Variants in FGF2 observed in about 807,000 individuals in gnomAD.
The protein encoded by FGF2 is basic fibroblast growth factor bFGF.
A neutral mutation model predicts 15.9 loss-of-function variants in FGF2; 13 were observed. That is an observed-to-expected ratio of 0.82 (90% confidence interval 0.53 to 1.30). The LOEUF (loss-of-function observed/expected upper bound fraction) is 1.30. FGF2 is among the 50% of genes most tolerant of loss of function. The pLI, the probability that FGF2 is intolerant of heterozygous loss-of-function variation, is 0.00. For synonymous variants in FGF2, 90 were observed against 78.4 expected, an observed-to-expected ratio of 1.15 and a Z score of -0.78; for missense variants, 163 against 196.9, an observed-to-expected ratio of 0.83 and a Z score of 1.03.
At chr4:122,885,514 A>G (rs1727038534) in intron 2 of FGF2, among the ~76,000 whole-genome samples, 1 of 152,192 alleles carries the variant, frequency 6.6e-6, no homozygotes, top group Non-Finnish European at 1.5e-5. Flanking sequence ...TGGTACTTGT[A>G]GCCCTAGAGT....
rs749974017 is a variant in FGF2, at chr4:122,892,274, C to T, written c.346C>T (p.Arg116Trp). Reference sequence around the variant, plus strand: ...GGAATCTAATAACTACAATACTTACCGGTCAAGGAAATACACCAGTTGGTA... The same window carrying T: ...GGAATCTAATAACTACAATACTTACTGGTCAAGGAAATACACCAGTTGGTA... The part of the protein sequence containing the change: ...RLESNNYNTY[R>W]SRKYTSWYVA... Residue 116 changes from arginine (R) to tryptophan (W), a missense_variant, in exon 3 of 3, where the codon CGG becomes TGG. Physicochemically the swap from Arg to Trp is moderately radical, Grantham distance 101. Coordinates refer to ENST00000644866, the MANE Select transcript of FGF2 (RefSeq NM_001361665.2). The T allele has an allele frequency of 3.8e-5, 61 of 1,613,346 alleles. No homozygotes were observed. The highest frequency in any genetic ancestry group is 4.7e-5 in the Non-Finnish European group (55 of 1,179,534).
chr4:122,858,391 T>C (rs1319720533), intron 1 of FGF2, among the ~76,000 whole-genome samples: 1 of 152,240 alleles, frequency 6.6e-6, no homozygotes, highest in East Asian at 1.9e-4. Context: ...CTTTTTTTTT[T>C]TCCTTTTACT....
intron 1 of FGF2, among the ~76,000 whole-genome samples, chr4:122,838,631 A>T (rs774965668): frequency 3.9e-5 from 6 of 152,218 alleles, no homozygotes; most frequent in Non-Finnish European, 8.8e-5. Context: ...GAACAGAAAT[A>T]ATGATTTAAG....
chr4:122,852,331 G>A (rs1474979282), intron 1 of FGF2, among the ~76,000 whole-genome samples: 2 of 152,202 alleles, frequency 1.3e-5, no homozygotes, highest in Non-Finnish European at 2.9e-5. Context: ...TTCTCCAGGT[G>A]CTGTCTCTCT....
chr4:122,857,807 A>C (rs576154418), intron 1 of FGF2, among the ~76,000 whole-genome samples: 1 of 152,350 alleles, frequency 6.6e-6, no homozygotes, highest in Admixed American at 6.5e-5. Flanking sequence ...TTAGAAGTAA[A>C]ATTTTGGCAA....
At chr4:122,883,537 C>T (rs1215606755) in intron 2 of FGF2, among the ~76,000 whole-genome samples, 1 of 152,190 alleles carries the variant, frequency 6.6e-6, no homozygotes, top group Non-Finnish European at 1.5e-5. Context: ...AGACTTCTTA[C>T]TCCATTCCAT....
intron 1 of FGF2, among the ~76,000 whole-genome samples, chr4:122,845,548 A>G (rs1726092399): frequency 6.6e-6 from 1 of 152,212 alleles, no homozygotes; most frequent in Admixed American, 6.5e-5. Context: ...TCTTAGCTAG[A>G]TCTTCTAGAT....
intron 1 of FGF2, among the ~76,000 whole-genome samples, chr4:122,864,352 G>T (rs149113442): frequency 1.3e-5 from 2 of 152,298 alleles, no homozygotes; most frequent in South Asian, 2.1e-4. Context: ...TGTGTGTCGG[G>T]CAGTGTGCCA....
intron 1 of FGF2, among the ~76,000 whole-genome samples, chr4:122,860,738 G>A (rs1726445390): frequency 6.6e-6 from 1 of 152,146 alleles, no homozygotes. Context: ...CTACAGGCGT[G>A]AGCCACTGCA....
rs1218484626 is a variant in FGF2, at chr4:122,885,333, T to C, written c.283-6878T>C. Among the ~76,000 whole-genome samples the C allele has an allele frequency of 2.6e-5, 4 of 152,220 alleles. No individual in the cohort carries two copies. In the East Asian group the frequency reaches 7.7e-4, roughly 29 times the overall value. ...CTGATACAGCAGTAGACAGAATAGATGAATATCTTCACAAACATGCTGTTG... is the reference window on the plus strand; with the variant it reads ...CTGATACAGCAGTAGACAGAATAGACGAATATCTTCACAAACATGCTGTTG... On this transcript the variant is annotated intron_variant, in intron 2 of 2. Transcript: ENST00000644866.
chr4:122,867,522 A>G (rs1036648752), intron 1 of FGF2, among the ~76,000 whole-genome samples: 3 of 152,048 alleles, frequency 2.0e-5, no homozygotes, highest in Admixed American at 2.0e-4. Context: ...TATTTTTTTA[A>G]TTTTTTAGAG....
intron 1 of FGF2, among the ~76,000 whole-genome samples, chr4:122,863,552 G>A (rs1726515033): frequency 6.6e-6 from 1 of 151,924 alleles, no homozygotes; most frequent in African/African-American, 2.4e-5. Flanking sequence ...TGCTCATGTG[G>A]TTATCTTCTA....
chr4:122,871,020 G>T (rs549444255), intron 1 of FGF2, among the ~76,000 whole-genome samples: 9 of 152,186 alleles, frequency 5.9e-5, no homozygotes, highest in Non-Finnish European at 8.8e-5. Context: ...CTGGTACATT[G>T]TCTCTTTGTT....
In FGF2 at chr4:122,892,472, G is replaced by A; in HGVS notation, c.*76G>A. ...TAGAAATTTGTTAATGAGAGTAAAA[G>A]AAAATAAATGTGTATAGCTCAGTTT... On this transcript the variant is annotated 3_prime_UTR_variant, in exon 3 of 3. Coordinates refer to ENST00000644866, the MANE Select transcript of FGF2 (RefSeq NM_001361665.2). 2 of 1,603,818 alleles carry A rather than the reference G, an allele frequency of 1.2e-6. No homozygotes were observed. The highest frequency in any genetic ancestry group is 1.7e-6 in the Non-Finnish European group (2 of 1,173,344).
chr4:122,849,756 A>G (rs946072679), intron 1 of FGF2, among the ~76,000 whole-genome samples: 19 of 152,116 alleles, frequency 1.2e-4, no homozygotes, highest in Non-Finnish European at 2.8e-4. Context: ...TCTCTGAGAG[A>G]GTTGTGACTG....
At chr4:122,841,050 T>C (rs1047037021) in intron 1 of FGF2, among the ~76,000 whole-genome samples, 1 of 152,230 alleles carries the variant, frequency 6.6e-6, no homozygotes, top group Admixed American at 6.5e-5. Flanking sequence ...GGGAGAGTCA[T>C]AATATATACA....
intron 1 of FGF2, among the ~76,000 whole-genome samples, chr4:122,851,029 C>T (rs1726220059): frequency 6.6e-6 from 1 of 152,124 alleles, no homozygotes; most frequent in Admixed American, 6.5e-5. Context: ...TTGGTATTTT[C>T]ATCCATTCCC....
At chr4:122,891,103 C>T (rs866093042) in intron 2 of FGF2, among the ~76,000 whole-genome samples, 3 of 147,422 alleles carry the variant, frequency 2.0e-5, no homozygotes, top group Non-Finnish European at 4.5e-5. Context: ...TGCAGTGGCG[C>T]GATCTCGGCT....
In FGF2 at chr4:122,853,961, A is replaced by C. The variant is rs138888459; in HGVS notation, c.179-22360A>C. Among the ~76,000 whole-genome samples, 516 of 152,362 alleles carry C rather than the reference A, an allele frequency of 3.4e-3. 4 individuals are homozygous for C. Among genetic ancestry groups the C allele is most frequent in the African/African-American group, 0.011 (476 of 41,592 alleles). On this transcript the variant is annotated intron_variant, in intron 1 of 2. Coordinates refer to ENST00000644866, the MANE Select transcript of FGF2 (RefSeq NM_001361665.2). ...TAAAAATAGACATTTGTAAAGCATC[A>C]GTATATGTGCTGTATTTGCTGCGTC...
Sources: allele counts gnomAD v4.1 joint callset (sites outside exome capture counted in the v4.1 genomes callset), GRCh38; gene constraint gnomAD v4.1.1; transcripts MANE v1.5; gene names NCBI Gene and HGNC (gene_info 2026-07-23, HGNC 2026-07-21).